ZSCAN25: variants seen among roughly 807,000 people sequenced by gnomAD.
ZSCAN25 encodes the protein zinc finger and SCAN domain containing 25.
ZSCAN25 carries 27 observed loss-of-function variants against 38.7 expected under a neutral mutation model. The ratio of observed to expected loss-of-function variants is 0.70; its 90% CI spans 0.51 to 0.96. The LOEUF (loss-of-function observed/expected upper bound fraction) is 0.96. Ranked by LOEUF, ZSCAN25 falls within the 40% of genes least tolerant of loss-of-function variation. The pLI is 0.00. For missense variants in ZSCAN25, 637 were observed against 705.9 expected, an observed-to-expected ratio of 0.90 and a Z score of 1.11; for synonymous variants, 273 against 277.7, an observed-to-expected ratio of 0.98 and a Z score of 0.17.
the ZSCAN25 span, among the ~76,000 whole-genome samples, chr7:99,665,960 G>T: frequency 1.3e-5 from 2 of 152,164 alleles, no homozygotes; most frequent in Admixed American, 6.5e-5. Context: ...TTGATTTGGA[G>T]AACCCAAAAC....
chr7:99,708,116 A>T, the ZSCAN25 span: 4 of 1,165,960 alleles, frequency 3.4e-6, no homozygotes, highest in Non-Finnish European at 5.0e-6. Context: ...AAATCCTGCT[A>T]TGCATATTTT....
chr7:99,659,099 A>G, the ZSCAN25 span: 7 of 152,200 alleles, frequency 4.6e-5, no homozygotes, highest in Non-Finnish European at 1.0e-4. Flanking sequence ...GTCATTCTCC[A>G]TCCAGCTTTC....
intron 5 of ZSCAN25, 72 bp downstream of exon 5, chr7:99,621,646 A>T (rs1806976139): frequency 8.2e-7 from 1 of 1,219,262 alleles, no homozygotes; most frequent in East Asian, 3.1e-5. Flanking sequence ...CTCTTCAGAA[A>T]CCCAGCAATG....
chr7:99,704,120 T>C, the ZSCAN25 span, among the ~76,000 whole-genome samples: 6 of 152,226 alleles, frequency 3.9e-5, no homozygotes, highest in East Asian at 1.2e-3. Context: ...TTTTATTAAA[T>C]GTTCATTGCA....
chr7:99,637,035 A>T (rs935098748), downstream of ZSCAN25, among the ~76,000 whole-genome samples: 5 of 152,240 alleles, frequency 3.3e-5, no homozygotes, highest in African/African-American at 1.2e-4. Context: ...TCCTACAAAC[A>T]AAATTAAATA....
At chr7:99,651,136 G>C in the ZSCAN25 span, among the ~76,000 whole-genome samples, 1 of 152,122 alleles carries the variant, frequency 6.6e-6, no homozygotes. Flanking sequence ...TTTGGATGGG[G>C]CAGCTAACAT....
At chr7:99,671,120 TG>T in the ZSCAN25 span, 1 of 9,218 alleles carries the variant, frequency 1.1e-4, no homozygotes, top group Non-Finnish European at 1.6e-4. Flanking sequence ...AGACCATTTG[TG>T]TGTGTGTGTG....
chr7:99,668,666 C>T, the ZSCAN25 span, among the ~76,000 whole-genome samples: 1 of 152,176 alleles, frequency 6.6e-6, no homozygotes, highest in African/African-American at 2.4e-5. Flanking sequence ...TTAAAATTAA[C>T]TAACAAAGAG....
chr7:99,679,767 G>A, the ZSCAN25 span: 6 of 1,522,060 alleles, frequency 3.9e-6, no homozygotes, highest in Non-Finnish European at 5.5e-6. Context: ...AGGGAAAAGG[G>A]GCCCGATTAG....
the ZSCAN25 span, chr7:99,710,708 C>A: frequency 6.2e-7 from 1 of 1,613,714 alleles, no homozygotes; most frequent in Non-Finnish European, 8.5e-7. Context: ...CTCCTCCCTC[C>A]TTCTCCATGT....
chr7:99,648,494 TG>T, the ZSCAN25 span: 7 of 915,150 alleles, frequency 7.6e-6, no homozygotes, highest in East Asian at 2.9e-5. Context: ...AAAAATGCTT[TG>T]CAAGCATATA....
the ZSCAN25 span, among the ~76,000 whole-genome samples, chr7:99,670,404 A>C: frequency 6.6e-6 from 1 of 152,232 alleles, no homozygotes; most frequent in Admixed American, 6.5e-5. Context: ...GCATTTCGAC[A>C]TGTTGGCTAA....
chr7:99,718,128 G>A, the ZSCAN25 span, among the ~76,000 whole-genome samples: 18 of 152,122 alleles, frequency 1.2e-4, no homozygotes, highest in Non-Finnish European at 1.3e-4. Flanking sequence ...GTTGTGGGGT[G>A]GGGAGAGGGG....
the ZSCAN25 span, chr7:99,671,965 C>A: frequency 1.5e-6 from 1 of 658,230 alleles, no homozygotes; most frequent in Non-Finnish European, 2.7e-6. Context: ...ATCTGAAAAG[C>A]TCTGTAAACT....
chr7:99,706,770 A>G, the ZSCAN25 span, among the ~76,000 whole-genome samples: 1 of 152,262 alleles, frequency 6.6e-6, no homozygotes, highest in Non-Finnish European at 1.5e-5. Context: ...ACATTAAAAA[A>G]CTTAATATTT....
At chr7:99,654,260 T>A in the ZSCAN25 span, among the ~76,000 whole-genome samples, 19 of 152,002 alleles carry the variant, frequency 1.2e-4, no homozygotes, top group African/African-American at 3.9e-4. Flanking sequence ...GGCCCCAGTG[T>A]GTGATATTCC....
chr7:99,633,854 A>G, downstream of ZSCAN25, among the ~76,000 whole-genome samples: 1 of 152,216 alleles, frequency 6.6e-6, no homozygotes, highest in East Asian at 1.9e-4. Flanking sequence ...TCCTTTTGAC[A>G]TAACCCTAAT....
chr7:99,715,531 G>A, the ZSCAN25 span: 22 of 668,700 alleles, frequency 3.3e-5, no homozygotes, highest in Middle Eastern at 4.4e-4. Flanking sequence ...GGTTATATAC[G>A]ACAACAGGAT....
chr7:99,720,428 A>C, the ZSCAN25 span: 2 of 1,613,144 alleles, frequency 1.2e-6, no homozygotes, highest in Non-Finnish European at 1.7e-6. Flanking sequence ...TGGAGAAAAC[A>C]GAGTTGATTA....
Sources: gnomAD v4.1 joint callset for allele counts (sites outside exome capture counted in the v4.1 genomes callset) on GRCh38, gnomAD v4.1.1 for gene constraint, MANE v1.5 for transcripts, NCBI Gene and HGNC (gene_info 2026-07-23, HGNC 2026-07-21) for gene names.